Variants in NCOA7 observed in about 807,000 individuals in gnomAD.
The protein encoded by NCOA7 is nuclear receptor coactivator 7.
A neutral mutation model predicts 104.3 loss-of-function variants in NCOA7; 45 were observed. The observed-to-expected ratio is 0.43, with a 90% CI of 0.34 to 0.55. The LOEUF is 0.55. Among genes scored for constraint, NCOA7 ranks in the 20% least tolerant of loss-of-function variants. The pLI is 0.02. For synonymous variants in NCOA7, 398 were observed against 402.3 expected, an observed-to-expected ratio of 0.99 and a Z score of 0.13; for missense variants, 1,041 against 1,119.7, an observed-to-expected ratio of 0.93 and a Z score of 1.00.
At chr6:125,918,801 G>C (rs1390960067) in intron 11 of NCOA7, among the ~76,000 whole-genome samples, 1 of 152,052 alleles carries the variant, frequency 6.6e-6, no homozygotes, top group East Asian at 1.9e-4. Flanking sequence ...ACATAGTATT[G>C]AAGTGAAATG....
intron 10 of NCOA7, among the ~76,000 whole-genome samples, chr6:125,911,612 C>T (rs1359650607): frequency 6.6e-6 from 1 of 152,198 alleles, no homozygotes; most frequent in Non-Finnish European, 1.5e-5. Context: ...GGATGAAGGT[C>T]CATCTTCTGT....
At chr6:125,869,938 A>C (rs1170269761) in intron 3 of NCOA7, among the ~76,000 whole-genome samples, 2 of 152,226 alleles carry the variant, frequency 1.3e-5, no homozygotes, top group Non-Finnish European at 2.9e-5. Flanking sequence ...CGAACCACAA[A>C]TGTGTAGTAA....
intron 2 of NCOA7, among the ~76,000 whole-genome samples, chr6:125,821,321 G>T (rs1778156099): frequency 6.6e-6 from 1 of 152,062 alleles, no homozygotes; most frequent in Non-Finnish European, 1.5e-5. Context: ...TACTCAAAGG[G>T]GTTGAATAAC....
rs1470197098 is a variant in NCOA7, at chr6:125,903,601, T to C, written c.2097-11732T>C. On this transcript the variant is annotated intron_variant, in intron 10 of 15. Coordinates refer to ENST00000392477, the MANE Select transcript of NCOA7 (RefSeq NM_181782.5). ...TATACTACTGTTTACTTAATGGTTGTCTTTAAAGGATTTAAATAGTAATTT... is the reference window on the plus strand; with the variant it reads ...TATACTACTGTTTACTTAATGGTTGCCTTTAAAGGATTTAAATAGTAATTT... 3.9e-5 allele frequency among the ~76,000 whole-genome samples: 6 copies of C among 152,240 alleles called. No individual in the cohort carries two copies. In the East Asian group the frequency reaches 1.2e-3, roughly 29 times the overall value.
chr6:125,828,941 C>T (rs1000893747), intron 2 of NCOA7, among the ~76,000 whole-genome samples: 1 of 151,540 alleles, frequency 6.6e-6, no homozygotes, highest in Non-Finnish European at 1.5e-5. Flanking sequence ...AATAATGGAG[C>T]CAGGGTCTCT....
At chr6:125,832,942 C>T (rs1386632627) in intron 2 of NCOA7, among the ~76,000 whole-genome samples, 1 of 152,212 alleles carries the variant, frequency 6.6e-6, no homozygotes, top group Admixed American at 6.5e-5. Context: ...TCCTTTCTCC[C>T]CTGCCATGTG....
At chr6:125,883,432 C>G (rs1020951710) in intron 7 of NCOA7, among the ~76,000 whole-genome samples, 12 of 152,178 alleles carry the variant, frequency 7.9e-5, no homozygotes, top group Non-Finnish European at 1.2e-4. Context: ...AGTTTCTTCA[C>G]ATAGTTGTGC....
chr6:125,885,375 G>T (rs755910353), intron 8 of NCOA7, 32 bp downstream of exon 8: 3 of 1,606,060 alleles, frequency 1.9e-6, no homozygotes, highest in Non-Finnish European at 2.6e-6. Context: ...CAGGAAAAAA[G>T]GGGTGTTGAG....
chr6:125,818,047 C>T (rs775433444), intron 2 of NCOA7, among the ~76,000 whole-genome samples: 6 of 151,492 alleles, frequency 4.0e-5, no homozygotes, highest in Non-Finnish European at 7.4e-5. Flanking sequence ...CCTCTTCTTC[C>T]TCCTCCCCCT....
rs150205391 is a variant in NCOA7 at position 125,791,238 on chromosome 6, C to T, written c.-65+171C>T. ...GCGTAGCCCCCTGTGAACCTGAAAA[C>T]CTCTGCTTGAGCTCGGGAGGCCGAG... On this transcript the variant is annotated intron_variant, in intron 1 of 15. Transcript: ENST00000392477. Among the ~76,000 whole-genome samples, 59 of 152,334 alleles carry T rather than the reference C, an allele frequency of 3.9e-4. No homozygotes were observed. The East Asian group carries it at 0.011, about 28-fold the overall frequency.
chr6:125,785,024 A>T (rs1774396488), intron 1 of NCOA7, among the ~76,000 whole-genome samples: 1 of 152,000 alleles, frequency 6.6e-6, no homozygotes, highest in Non-Finnish European at 1.5e-5. Context: ...ACACACAAAC[A>T]TGCATGAATG....
chr6:125,856,522 T>C (rs1273704566), intron 3 of NCOA7, among the ~76,000 whole-genome samples: 1 of 151,974 alleles, frequency 6.6e-6, no homozygotes, highest in East Asian at 1.9e-4. Flanking sequence ...CCGGCTAATT[T>C]TTTGTATATT....
chr6:125,793,357 A>G (rs1020159730), intron 1 of NCOA7, among the ~76,000 whole-genome samples: 2 of 152,112 alleles, frequency 1.3e-5, no homozygotes, highest in African/African-American at 4.8e-5. Flanking sequence ...ACTTATAAGC[A>G]CTTATTTGTT....
At chr6:125,854,377 A>G (rs1781376829) in intron 2 of NCOA7, among the ~76,000 whole-genome samples, 1 of 152,250 alleles carries the variant, frequency 6.6e-6, no homozygotes, top group Non-Finnish European at 1.5e-5. Context: ...AATTTGTAAC[A>G]TCAAATATGT....
rs762943973 is a variant in NCOA7, at chr6:125,885,198, A to T, written c.739A>T (p.Ile247Phe). The change falls in exon 8 of 16, where the codon ATC (isoleucine) becomes TTC (phenylalanine). Residue 247 changes from isoleucine (I) to phenylalanine (F), a missense_variant. Ile to Phe is a conservative substitution (Grantham distance 21). Around this residue, in one of 2 missense-constraint regions of NCOA7, gnomAD observed 914 missense variants for 942.7 expected, o/e 0.97. Transcript: ENST00000392477. The part of the protein sequence containing the change: ...GGVMIVTPNN[I>F]MFDPHKSDPL... ...TGTTATGATAGTGACTCCTAACAAC[A>T]TCATGTTTGACCCTCATAAATCTGA... 2.5e-5 allele frequency: 40 copies of T among 1,613,930 alleles called. No individual in the cohort carries two copies. Among genetic ancestry groups the T allele is most frequent in the Non-Finnish European group, 4.2e-6 (5 of 1,179,946 alleles).
chr6:125,789,554 T>C (rs1343498119), upstream of NCOA7, among the ~76,000 whole-genome samples: 2 of 152,112 alleles, frequency 1.3e-5, no homozygotes, highest in African/African-American at 2.4e-5. Context: ...TTTCCCTTAC[T>C]AAATGCTAAA....
At chr6:125,838,297 G>GATTACAGTGGCAA (rs1779804459) in intron 2 of NCOA7, among the ~76,000 whole-genome samples, 2 of 152,084 alleles carry the variant, frequency 1.3e-5, no homozygotes, top group Admixed American at 1.3e-4. Flanking sequence ...TTATGGGGAA[G>GATTACAGTGGCAA]GAAAGAAGAG....
chr6:125,840,650 A>T (rs1780036563), intron 2 of NCOA7, among the ~76,000 whole-genome samples: 1 of 151,388 alleles, frequency 6.6e-6, no homozygotes, highest in South Asian at 2.1e-4. Flanking sequence ...GAGTAGCTGG[A>T]ACTACTCAGG....
chr6:125,881,113 C>T lies in NCOA7; in HGVS notation c.483C>T (p.Asn161=). The T allele has an allele frequency of 6.2e-7, 1 of 1,614,002 alleles. No homozygotes were observed. Among genetic ancestry groups the T allele is most frequent in the Non-Finnish European group, 8.5e-7 (1 of 1,179,922 alleles). ...AGGTCCTTTTTGTGCCAGATGCCAA[C>T]TCTCCTTCCAGTACCTTAAGGCTAT... ...PGQVLFVPDA[N]SPSSTLRLSS... The change falls in exon 6 of 16, where the codon AAC becomes AAT. Residue 161 remains asparagine, a synonymous_variant. Coordinates refer to ENST00000392477, the MANE Select transcript of NCOA7 (RefSeq NM_181782.5).
Sources: gnomAD v4.1 joint callset for allele counts (sites outside exome capture counted in the v4.1 genomes callset) on GRCh38, gnomAD v4.1.1 for gene constraint, gnomAD v4.1.1 regional missense constraint, MANE v1.5 for transcripts, NCBI Gene and HGNC (gene_info 2026-07-23, HGNC 2026-07-21) for gene names.